MKLN1: variants seen among roughly 807,000 people sequenced by gnomAD.
MKLN1 encodes muskelin.
A neutral mutation model predicts 99.0 loss-of-function variants in MKLN1; 18 were observed. The ratio of observed to expected loss-of-function variants is 0.18; its 90% CI spans 0.13 to 0.27. MKLN1 has a LOEUF of 0.27. Ranked by LOEUF, MKLN1 falls within the 10% of genes least tolerant of loss-of-function variation. The pLI is 1.00. For missense variants in MKLN1, 621 were observed against 875.9 expected, an observed-to-expected ratio of 0.71 and a Z score of 3.67; for synonymous variants, 288 against 293.2, an observed-to-expected ratio of 0.98 and a Z score of 0.18.
At chr7:131,450,239 A>G (rs1433867336) in intron 12 of MKLN1, among the ~76,000 whole-genome samples, 1 of 152,186 alleles carries the variant, frequency 6.6e-6, no homozygotes, top group African/African-American at 2.4e-5. Flanking sequence ...GAATAGAACC[A>G]TATGCCTTAA....
chr7:131,122,781 AGAG>A (rs1795392336), intron 1 of MKLN1, among the ~76,000 whole-genome samples: 2 of 151,880 alleles, frequency 1.3e-5, no homozygotes, highest in Admixed American at 1.3e-4. Flanking sequence ...CAGTACTTTG[AGAG>A]GCCGAGGCGG....
chr7:131,185,643 C>G (rs1796439312), intron 2 of MKLN1, among the ~76,000 whole-genome samples: 1 of 152,170 alleles, frequency 6.6e-6, no homozygotes, highest in African/African-American at 2.4e-5. Context: ...CTGAGTCACT[C>G]AAGCTTTCAT....
At position 131,227,564 on chromosome 7, in the gene MKLN1, CTCTT is replaced by C. The variant is rs1272144276; in HGVS notation, c.-179+24600_-179+24603del. ...CTCTTTCTTTTCCTTCCTTCCTTCC[CTCTT>C]TCTTTCTTTTTTTTTGAGACAGAAT... On this transcript the variant is annotated intron_variant, in intron 3 of 7. Transcript: ENST00000416992. Among the ~76,000 whole-genome samples the C allele has an allele frequency of 3.7e-3, 301 of 81,310 alleles. 5 individuals carry two copies. Among genetic ancestry groups the C allele is most frequent in the South Asian group, 1.1e-3 (3 of 2,644 alleles). 53.3% of individuals were successfully genotyped at this position (81,310 alleles called of 152,430 possible).
chr7:131,215,657 T>G (rs1796969814), intron 3 of MKLN1, among the ~76,000 whole-genome samples: 1 of 152,242 alleles, frequency 6.6e-6, no homozygotes, highest in African/African-American at 2.4e-5. Flanking sequence ...TCTGATTTTA[T>G]TTTCAGATAG....
rs770535848 is a variant in MKLN1 at position 131,327,909 on chromosome 7, G to A, written c.10G>A (p.Gly4Ser). 3 of 1,612,292 alleles carry A rather than the reference G, an allele frequency of 1.9e-6. No individual in the cohort carries two copies. The highest frequency in any genetic ancestry group is 2.2e-5 in the South Asian group (2 of 91,082). ...CTACGGTGCTGACAAGATGGCGGCTGGCGGAGCTGTCGCTGCGGCGCCCGA... is the reference window on the plus strand; with the variant it reads ...CTACGGTGCTGACAAGATGGCGGCTAGCGGAGCTGTCGCTGCGGCGCCCGA... MAA[G>S]GAVAAAPECR... is the part of the protein sequence containing the mutation. Residue 4 changes from glycine to serine, a missense_variant, in exon 1 of 18, where the codon GGC (glycine) becomes AGC (serine). Transcript: ENST00000352689.
At chr7:131,293,020 G>A (rs996068802) in intron 3 of MKLN1, among the ~76,000 whole-genome samples, 1 of 152,134 alleles carries the variant, frequency 6.6e-6, no homozygotes, top group East Asian at 1.9e-4. Flanking sequence ...AGTTTATTTC[G>A]CTACCACTTA....
chr7:131,114,915 A>T (rs1252289512), intron 1 of MKLN1, among the ~76,000 whole-genome samples: 1 of 152,110 alleles, frequency 6.6e-6, no homozygotes, highest in East Asian at 1.9e-4. Flanking sequence ...CAGCCTGGGC[A>T]ACAGAGCAAG....
chr7:131,192,355 C>A (rs1796576214), intron 2 of MKLN1, among the ~76,000 whole-genome samples: 92 of 72,276 alleles, frequency 1.3e-3, no homozygotes, highest in East Asian at 2.4e-3. Flanking sequence ...ATAATATATA[C>A]AATATATAAA....
chr7:131,394,698 A>C (rs1794305320), intron 4 of MKLN1, among the ~76,000 whole-genome samples: 1 of 152,016 alleles, frequency 6.6e-6, no homozygotes, highest in Non-Finnish European at 1.5e-5. Context: ...TTCCTTATTC[A>C]GTCGGATATT....
intron 2 of MKLN1, among the ~76,000 whole-genome samples, chr7:131,198,998 T>C (rs540544733): frequency 5.1e-4 from 77 of 152,210 alleles, no homozygotes; most frequent in Non-Finnish European, 1.0e-3. Context: ...GTCTGTTTTA[T>C]TTGAAAAGTT....
intron 3 of MKLN1, among the ~76,000 whole-genome samples, chr7:131,216,821 G>A (rs1181767412): frequency 6.6e-6 from 1 of 152,178 alleles, no homozygotes; most frequent in South Asian, 2.1e-4. Context: ...CCACAGGACT[G>A]TGAGTTCCTC....
intron 6 of MKLN1, among the ~76,000 whole-genome samples, chr7:131,401,825 T>C (rs1439882810): frequency 6.6e-6 from 1 of 152,140 alleles, no homozygotes; most frequent in Non-Finnish European, 1.5e-5. Flanking sequence ...TTAAAAAAAA[T>C]GCATATACCT....
At chr7:131,247,118 T>C (rs1797500544) in intron 3 of MKLN1, among the ~76,000 whole-genome samples, 1 of 152,214 alleles carries the variant, frequency 6.6e-6, no homozygotes. Context: ...AAACAAACAC[T>C]ATGGAGCACT....
intron 3 of MKLN1, among the ~76,000 whole-genome samples, chr7:131,249,849 C>T (rs186249821): frequency 2.2e-4 from 34 of 152,214 alleles, no homozygotes; most frequent in African/African-American, 7.0e-4. Flanking sequence ...GGGAGCATGG[C>T]TCAGATTATA....
intron 2 of MKLN1, among the ~76,000 whole-genome samples, chr7:131,175,030 AGATGGATGGATGGATG>A (rs66786066): frequency 1.7e-3 from 245 of 148,356 alleles, no homozygotes; most frequent in East Asian, 1.0e-2. Context: ...ATAGATAGGC[AGATGGATGGATGGATG>A]GATGGATGGA....
intron 12 of MKLN1, among the ~76,000 whole-genome samples, chr7:131,457,834 T>G (rs1467278866): frequency 6.6e-6 from 1 of 152,004 alleles, no homozygotes; most frequent in Non-Finnish European, 1.5e-5. Flanking sequence ...GAGAATTGCT[T>G]AAACCCACAG....
At chr7:131,179,121 T>C (rs993901660) in intron 2 of MKLN1, among the ~76,000 whole-genome samples, 5 of 152,232 alleles carry the variant, frequency 3.3e-5, no homozygotes, top group African/African-American at 1.2e-4. Context: ...CAGAGATTCA[T>C]TGTGAATATG....
chr7:131,387,554 C>G (rs1009324914), intron 3 of MKLN1, among the ~76,000 whole-genome samples: 3 of 151,982 alleles, frequency 2.0e-5, no homozygotes, highest in African/African-American at 7.2e-5. Flanking sequence ...GAAATATTTT[C>G]AGCTTTAATG....
rs1211416987 is a variant in MKLN1 at position 131,487,935 on chromosome 7, TA to T, written c.*210del. ...TCATCCTATTCCTAAATTAGGCTAA[TA>T]AAGTGAAATTGGTATACTTTCCAGT... On this transcript the variant is annotated 3_prime_UTR_variant, in exon 18 of 18. Coordinates refer to ENST00000352689, the MANE Select transcript of MKLN1 (RefSeq NM_013255.5). This position sits in a 1 kb window ranked among gnomAD's most constrained non-coding sequence, Gnocchi z 4.7. The T allele has an allele frequency of 9.3e-6, 3 of 321,142 alleles. No homozygotes were observed. The Admixed American group carries it at 1.5e-4, about 16-fold the overall frequency. 19.9% of individuals were successfully genotyped at this position (321,142 alleles called of 1,614,324 possible). A position where few individuals can be genotyped will look rare whatever the true frequency, so the allele number is the denominator to read the frequency against.
Sources: gnomAD v4.1 joint callset for allele counts (sites outside exome capture counted in the v4.1 genomes callset) on GRCh38, gnomAD v4.1.1 for gene constraint, Gnocchi (gnomAD v3.1) non-coding constraint, MANE v1.5 for transcripts, NCBI Gene and HGNC (gene_info 2026-07-23, HGNC 2026-07-21) for gene names.